Variants in SOX6 observed in about 807,000 individuals in gnomAD.
SOX6 encodes the protein transcription factor SOX-6.
SOX6 carries 11 observed loss-of-function variants against 97.8 expected under a neutral mutation model. That is an observed-to-expected ratio of 0.11 (90% CI 0.07 to 0.19). SOX6 has a LOEUF of 0.19. Among genes scored for constraint, SOX6 ranks in the 10% least tolerant of loss-of-function variants. The pLI is 1.00. For synonymous variants in SOX6, 360 were observed against 371.4 expected, an observed-to-expected ratio of 0.97 and a Z score of 0.35; for missense variants, 810 against 1,039.5, an observed-to-expected ratio of 0.78 and a Z score of 3.04.
chr11:16,107,420 TA>T (rs1849121785), intron 7 of SOX6, among the ~76,000 whole-genome samples: 2 of 147,530 alleles, frequency 1.4e-5, no homozygotes, highest in Admixed American at 6.8e-5. Flanking sequence ...TATATATACA[TA>T]TATATACATA....
chr11:16,334,669 C>A (rs1856405554), intron 2 of SOX6, among the ~76,000 whole-genome samples: 1 of 152,060 alleles, frequency 6.6e-6, no homozygotes, highest in South Asian at 2.1e-4. Flanking sequence ...CTCAAGTGAT[C>A]CACCTGCCTT....
chr11:16,422,749 A>G (rs1214928522), intron 1 of SOX6, among the ~76,000 whole-genome samples: 1 of 152,168 alleles, frequency 6.6e-6, no homozygotes, highest in Non-Finnish European at 1.5e-5. Flanking sequence ...AGGCACCTCC[A>G]AGGAAAAATT....
At chr11:16,382,016 T>C (rs192054584) in intron 1 of SOX6, among the ~76,000 whole-genome samples, 1 of 152,108 alleles carries the variant, frequency 6.6e-6, no homozygotes, top group East Asian at 1.9e-4. Context: ...TTAACCAGAA[T>C]AATAAACCAC....
intron 3 of SOX6, among the ~76,000 whole-genome samples, chr11:16,249,110 A>G (rs1025147205): frequency 2.0e-5 from 3 of 151,420 alleles, no homozygotes; most frequent in Non-Finnish European, 4.4e-5. Flanking sequence ...AAAAAAAAAG[A>G]AAAAGAAAAA....
chr11:16,603,889 G>T (rs1434131919), intron 4 of SOX6, among the ~76,000 whole-genome samples: 1 of 152,244 alleles, frequency 6.6e-6, no homozygotes, highest in Non-Finnish European at 1.5e-5. Context: ...TCCCGAGGCT[G>T]CCCTGGCAGG....
intron 3 of SOX6, among the ~76,000 whole-genome samples, chr11:16,274,577 G>A (rs534369274): frequency 6.6e-6 from 1 of 152,192 alleles, no homozygotes; most frequent in African/African-American, 2.4e-5. Context: ...AATATGCAAA[G>A]AGATTAACCA....
At chr11:16,567,132 T>C (rs1847880792) in intron 4 of SOX6, among the ~76,000 whole-genome samples, 1 of 152,182 alleles carries the variant, frequency 6.6e-6, no homozygotes, top group Admixed American at 6.5e-5. Context: ...CAAGTCATGT[T>C]AACTCTACAG....
intron 4 of SOX6, among the ~76,000 whole-genome samples, chr11:16,194,665 A>G (rs963218266): frequency 1.3e-5 from 2 of 152,168 alleles, no homozygotes; most frequent in Non-Finnish European, 2.9e-5. Flanking sequence ...ACTCTCCTAT[A>G]CCAGGCACAC....
intron 4 of SOX6, among the ~76,000 whole-genome samples, chr11:16,593,681 A>G (rs1848179222): frequency 6.6e-6 from 1 of 152,230 alleles, no homozygotes; most frequent in African/African-American, 2.4e-5. Context: ...CCAAGCACTT[A>G]TTATGAACCA....
At chr11:16,064,063 A>G (rs1405906255) in intron 9 of SOX6, among the ~76,000 whole-genome samples, 1 of 151,710 alleles carries the variant, frequency 6.6e-6, no homozygotes, top group Non-Finnish European at 1.5e-5. Context: ...ACAATCTTCA[A>G]ATGGACAAGA....
At chr11:16,471,038 T>G (rs1165727265) in intron 1 of SOX6, among the ~76,000 whole-genome samples, 1 of 151,796 alleles carries the variant, frequency 6.6e-6, no homozygotes, top group African/African-American at 2.4e-5. Context: ...TAAAAAGACT[T>G]GGGTAACCTG....
At chr11:16,389,328 T>A (rs1249616975) in intron 1 of SOX6, among the ~76,000 whole-genome samples, 3 of 152,168 alleles carry the variant, frequency 2.0e-5, no homozygotes. Flanking sequence ...GCAGTCCTCC[T>A]GCCTAAGCCT....
chr11:16,330,543 C>T (rs1856257580), intron 2 of SOX6, among the ~76,000 whole-genome samples: 1 of 152,104 alleles, frequency 6.6e-6, no homozygotes, highest in Admixed American at 6.6e-5. Context: ...GGCGACAGAG[C>T]AAGACTCCAT....
At chr11:16,532,046 T>C (rs1453969109) in intron 4 of SOX6, among the ~76,000 whole-genome samples, 5 of 151,892 alleles carry the variant, frequency 3.3e-5, no homozygotes, top group African/African-American at 9.7e-5. Context: ...TAATCTCCAA[T>C]TGGGCAAGTG....
intron 6 of SOX6, among the ~76,000 whole-genome samples, chr11:16,152,806 C>T (rs1172652606): frequency 1.3e-5 from 2 of 151,858 alleles, no homozygotes; most frequent in Non-Finnish European, 2.9e-5. Context: ...ATCGCCCAGG[C>T]GATTCTCATG....
At chr11:16,583,620 T>TATATATACACACACACAC (rs1554976110) in intron 4 of SOX6, among the ~76,000 whole-genome samples, 2 of 136,964 alleles carry the variant, frequency 1.5e-5, no homozygotes, top group East Asian at 2.0e-4. Context: ...TATACATATA[T>TATATATACACACACACAC]ATATATATAT....
chr11:16,709,413 G>A (rs1848160566), intron 3 of SOX6, among the ~76,000 whole-genome samples: 1 of 152,130 alleles, frequency 6.6e-6, no homozygotes, highest in African/African-American at 2.4e-5. Flanking sequence ...AGCTACTTGG[G>A]ACGCTGAGGC....
chr11:16,076,823 G>A (rs1352650840), intron 9 of SOX6, among the ~76,000 whole-genome samples: 2 of 139,534 alleles, frequency 1.4e-5, no homozygotes, highest in Non-Finnish European at 3.0e-5. Flanking sequence ...GCGCAATCTC[G>A]GCTCACTGCA....
intron 4 of SOX6, among the ~76,000 whole-genome samples, chr11:16,208,210 C>T (rs1369318942): frequency 6.6e-6 from 1 of 152,038 alleles, no homozygotes; most frequent in East Asian, 1.9e-4. Context: ...TGCCTATTTC[C>T]TTCATCAGTA....
Sources: gnomAD v4.1 joint callset for allele counts (sites outside exome capture counted in the v4.1 genomes callset) on GRCh38, gnomAD v4.1.1 for gene constraint, MANE v1.5 for transcripts, NCBI Gene and HGNC (gene_info 2026-07-23, HGNC 2026-07-21) for gene names.